CHD9: variants seen among roughly 807,000 people sequenced by gnomAD.
CHD9 encodes chromodomain helicase DNA binding protein 9.
A neutral mutation model predicts 316.1 loss-of-function variants in CHD9; 77 were observed. The observed-to-expected ratio is 0.24, with a 90% CI of 0.20 to 0.29. CHD9 has a LOEUF of 0.29. Among genes scored for constraint, CHD9 ranks in the 10% least tolerant of loss-of-function variants. The probability of loss-of-function intolerance (pLI) is 1.00; values close to 1 mark genes in which losing one functional copy is unlikely to be tolerated. For synonymous variants in CHD9, 1,129 were observed against 1,158.3 expected (o/e 0.97, Z 0.51); for missense variants, 2,763 against 3,438.1 (o/e 0.80, Z 4.91).
In CHD9 at chr16:53,308,084, T is replaced by G. The variant is rs1031176544; in HGVS notation, c.7053+131T>G. ...GTTTCTTGGTATTTGGATTATTTTC[T>G]TTCTGATATCCAGGTTATTAAACTT... is the stretch of plus-strand genomic sequence containing the variant. On this transcript the variant is annotated intron_variant, in intron 33 of 38. Transcript: ENST00000447540. 5.1e-6 allele frequency: 4 copies of G among 780,368 alleles called. No individual in the cohort carries two copies. The Admixed American group carries it at 1.2e-4, about 24-fold the overall frequency. 48.3% of individuals were successfully genotyped at this position (780,368 alleles called of 1,614,324 possible).
At chr16:53,322,603 A>G (rs974356415) in intron 38 of CHD9, among the ~76,000 whole-genome samples, 4 of 152,068 alleles carry the variant, frequency 2.6e-5, no homozygotes, top group Non-Finnish European at 5.9e-5. Flanking sequence ...AAAAAAAAAA[A>G]AAACATATCT....
At chr16:53,230,510 G>A (rs1475740282) in intron 8 of CHD9, among the ~76,000 whole-genome samples, 3 of 152,038 alleles carry the variant, frequency 2.0e-5, no homozygotes, top group South Asian at 2.1e-4. Context: ...ATGCTGGGAG[G>A]TCCTCTCATC....
At position 53,089,858 on chromosome 16, in the gene CHD9, C is replaced by A. The variant is rs553644589; in HGVS notation, c.-165+34781C>A. Among the ~76,000 whole-genome samples, 111 of 152,294 alleles carry A rather than the reference C, an allele frequency of 7.3e-4. 1 individual carries two copies. The highest frequency in any genetic ancestry group is 2.5e-3 in the African/African-American group (105 of 41,560). On this transcript the variant is annotated intron_variant, in intron 1 of 38. Coordinates refer to ENST00000447540, the MANE Select transcript of CHD9 (RefSeq NM_001308319.2). Reference sequence around the variant, plus strand: ...AAAGACACTGGCACACGAGGAACACCCTCACATGACTGATCCCCTTTACAC... The same window carrying A: ...AAAGACACTGGCACACGAGGAACACACTCACATGACTGATCCCCTTTACAC...
chr16:53,086,988 T>C (rs1423040932), intron 1 of CHD9, among the ~76,000 whole-genome samples: 1 of 152,202 alleles, frequency 6.6e-6, no homozygotes, highest in Non-Finnish European at 1.5e-5. Flanking sequence ...CCACACCTCC[T>C]ATCCCCACCA....
chr16:53,267,611 A>C (rs1420496694), intron 21 of CHD9, 121 bp downstream of exon 21: 3 of 717,880 alleles, frequency 4.2e-6, no homozygotes, highest in Non-Finnish European at 6.5e-6. Flanking sequence ...CTTTTAAAGT[A>C]CTCTATTTTT....
At chr16:53,088,866 C>G (rs1182082047) in intron 1 of CHD9, among the ~76,000 whole-genome samples, 3 of 152,038 alleles carry the variant, frequency 2.0e-5, no homozygotes, top group African/African-American at 7.2e-5. Context: ...GTAATCCCAG[C>G]ACTTTGAGAG....
chr16:53,244,125 CTA>C (rs989951501), intron 13 of CHD9, among the ~76,000 whole-genome samples: 5 of 150,442 alleles, frequency 3.3e-5, no homozygotes, highest in Non-Finnish European at 7.4e-5. Flanking sequence ...TAAAAATATT[CTA>C]TGTTTATTTT....
chr16:53,293,676 C>T (rs922982656), intron 29 of CHD9, among the ~76,000 whole-genome samples: 1 of 151,810 alleles, frequency 6.6e-6, no homozygotes, highest in Non-Finnish European at 1.5e-5. Flanking sequence ...ACTGGCCGGG[C>T]GCCATGGCTC....
At chr16:53,303,493 T>C (rs1428418307) in intron 30 of CHD9, among the ~76,000 whole-genome samples, 1 of 152,186 alleles carries the variant, frequency 6.6e-6, no homozygotes, top group Admixed American at 6.5e-5. Context: ...GTACTTACTT[T>C]TAAAACTTTC....
intron 1 of CHD9, among the ~76,000 whole-genome samples, chr16:53,055,501 C>G (rs548697892): frequency 3.3e-5 from 5 of 151,636 alleles, no homozygotes; most frequent in South Asian, 4.2e-4. Context: ...CCCGCCCCCC[C>G]CCAGAGACTC....
chr16:53,114,288 C>T lies in CHD9; in HGVS notation c.-164-41638C>T, dbSNP rs559428325. ...TTATTATTATTTTGAGATGGAGTCT[C>T]GCTCTGTTGCCCAGGCTGGAGTGCA... On this transcript the variant is annotated intron_variant, in intron 1 of 38. Transcript: ENST00000447540. Among the ~76,000 whole-genome samples, 12 of 152,192 alleles carry T rather than the reference C, an allele frequency of 7.9e-5. No individual in the cohort carries two copies. The East Asian group carries it at 1.7e-3, about 22-fold the overall frequency.
At chr16:53,195,192 A>G (rs1467809788) in intron 2 of CHD9, among the ~76,000 whole-genome samples, 1 of 152,248 alleles carries the variant, frequency 6.6e-6, no homozygotes, top group African/African-American at 2.4e-5. Flanking sequence ...GCACAATTCT[A>G]GAAGCCTGCT....
intron 1 of CHD9, among the ~76,000 whole-genome samples, chr16:53,127,591 A>G (rs139526350): frequency 0.011 from 1,713 of 152,234 alleles, 15 homozygotes; most frequent in Middle Eastern, 0.017. Context: ...TAACCAGGGC[A>G]AGATTTTAGA....
At chr16:53,085,850 T>C (rs2160795) in intron 1 of CHD9, among the ~76,000 whole-genome samples, 150,094 of 152,308 alleles carry the variant, frequency 0.99, 73,966 homozygotes, top group Middle Eastern at 1. Flanking sequence ...CCCAGGTTAT[T>C]GAGGTGTGTT....
At chr16:53,220,735 A>G (rs2047167454) in intron 3 of CHD9, among the ~76,000 whole-genome samples, 1 of 152,222 alleles carries the variant, frequency 6.6e-6, no homozygotes, top group Admixed American at 6.5e-5. Flanking sequence ...TTTGTGTGTC[A>G]TACAAGGCCT....
At chr16:53,101,743 C>G (rs1458373026) in intron 1 of CHD9, among the ~76,000 whole-genome samples, 1 of 152,118 alleles carries the variant, frequency 6.6e-6, no homozygotes, top group Non-Finnish European at 1.5e-5. Context: ...GGAGAGTACC[C>G]TAGTATTGTA....
Position 53,220,969 on chromosome 16 carries a change from G to A in CHD9, c.1785-1675G>A, listed in dbSNP as rs138773584. ...AAGCCCCCTTTACTCTTCAGTAAGC[G>A]TGAGCACTTCTTCCTTTGTGTTCAC... is the stretch of plus-strand genomic sequence containing the variant. On this transcript the variant is annotated intron_variant, in intron 3 of 38. Coordinates refer to ENST00000447540, the MANE Select transcript of CHD9 (RefSeq NM_001308319.2). Among the ~76,000 whole-genome samples the A allele has an allele frequency of 4.6e-3, 705 of 152,226 alleles. 4 individuals carry two copies. The highest frequency in any genetic ancestry group is 0.015 in the African/African-American group (628 of 41,544).
chr16:53,146,419 G>GTATGTGTATATATATA (rs59577921), intron 1 of CHD9, among the ~76,000 whole-genome samples: 7 of 76,702 alleles, frequency 9.1e-5, no homozygotes, highest in African/African-American at 3.0e-4. Flanking sequence ...GTGTGTGTAT[G>GTATGTGTATATATATA]TATATATATA....
intron 24 of CHD9, among the ~76,000 whole-genome samples, chr16:53,276,318 T>A (rs1022549473): frequency 6.6e-6 from 1 of 152,226 alleles, no homozygotes; most frequent in Non-Finnish European, 1.5e-5. Flanking sequence ...CCATGCTGAA[T>A]GACTAACTTC....
Sources: allele counts gnomAD v4.1 joint callset (sites outside exome capture counted in the v4.1 genomes callset), GRCh38; gene constraint gnomAD v4.1.1; transcripts MANE v1.5; gene names NCBI Gene and HGNC (gene_info 2026-07-23, HGNC 2026-07-21).